The following SH3RF3 variants were observed in gnomAD, a reference collection of about 807,000 sequenced individuals.
SH3RF3 encodes E3 ubiquitin-protein ligase SH3RF3.
A neutral mutation model predicts 66.3 loss-of-function variants in SH3RF3; 29 were observed. The observed-to-expected ratio is 0.44, with a 90% CI of 0.33 to 0.60. The LOEUF (loss-of-function observed/expected upper bound fraction) is 0.60. SH3RF3 is among the 20% of genes least tolerant of loss of function. The pLI is 0.04. For synonymous variants in SH3RF3, 583 were observed against 532.0 expected, an observed-to-expected ratio of 1.10 and a Z score of -1.32; for missense variants, 1,194 against 1,190.9, an observed-to-expected ratio of 1.00 and a Z score of -0.04.
chr2:109,473,183 G>A (rs868866174), intron 8 of SH3RF3, among the ~76,000 whole-genome samples: 16 of 152,096 alleles, frequency 1.1e-4, no homozygotes, highest in Admixed American at 5.2e-4. Context: ...ATTTTCCCAG[G>A]GAAGCGGCTT....
chr2:109,300,630 A>G (rs1681444337), intron 1 of SH3RF3, among the ~76,000 whole-genome samples: 1 of 152,172 alleles, frequency 6.6e-6, no homozygotes, highest in Admixed American at 6.5e-5. Flanking sequence ...CCTGGTGGTA[A>G]GAAACCACTC....
chr2:109,428,048 G>A (rs147705727), intron 5 of SH3RF3, among the ~76,000 whole-genome samples: 3,151 of 152,336 alleles, frequency 0.021, 43 homozygotes, highest in Middle Eastern at 0.058. Flanking sequence ...CTGGCCTCCA[G>A]TGCAGCCCCT....
At chr2:109,423,259 C>T (rs894837279) in intron 5 of SH3RF3, among the ~76,000 whole-genome samples, 2 of 152,132 alleles carry the variant, frequency 1.3e-5, no homozygotes, top group East Asian at 1.9e-4. Flanking sequence ...TTTTCATCCT[C>T]CCCTGCTGAG....
chr2:109,295,687 C>T (rs943782442), intron 1 of SH3RF3, among the ~76,000 whole-genome samples: 5 of 152,042 alleles, frequency 3.3e-5, no homozygotes, highest in African/African-American at 7.2e-5. Flanking sequence ...GTCAGGAGGC[C>T]GGCATTTGGG....
At chr2:109,218,165 A>T (rs2105135583) in intron 1 of SH3RF3, among the ~76,000 whole-genome samples, 1 of 152,022 alleles carries the variant, frequency 6.6e-6, no homozygotes, top group East Asian at 1.9e-4. Context: ...AAAAAAAAAA[A>T]ATCCTGCCTG....
chr2:109,288,971 T>C (rs1466451202), intron 1 of SH3RF3, among the ~76,000 whole-genome samples: 1 of 152,210 alleles, frequency 6.6e-6, no homozygotes, highest in Non-Finnish European at 1.5e-5. Flanking sequence ...ATTTGTGGGC[T>C]TATCAAGGAC....
chr2:109,450,294 C>G (rs1311193691), intron 8 of SH3RF3, among the ~76,000 whole-genome samples: 1 of 150,850 alleles, frequency 6.6e-6, no homozygotes, highest in Non-Finnish European at 1.5e-5. Context: ...TGCAGTGAGC[C>G]AAGATTGTGC....
rs530076980 is a variant in SH3RF3, at chr2:109,479,089, C to G, written c.2149-11516C>G. Among the ~76,000 whole-genome samples, 85 of 152,260 alleles carry G rather than the reference C, an allele frequency of 5.6e-4. 1 individual carries two copies. In the South Asian group the frequency reaches 0.012, roughly 22 times the overall value. ...CTGGAACCTTGGCCGGGCTGCAGGT[C>G]AGAGCACCAGCACACACTTCTCAAC... On this transcript the variant is annotated intron_variant, in intron 8 of 9. Transcript: ENST00000309415.
At chr2:109,187,368 T>TTA (rs1409608021) in intron 1 of SH3RF3, among the ~76,000 whole-genome samples, 1 of 151,908 alleles carries the variant, frequency 6.6e-6, no homozygotes, top group Non-Finnish European at 1.5e-5. Context: ...AGACTTTTTT[T>TTA]TTTTAAAGGT....
intron 1 of SH3RF3, among the ~76,000 whole-genome samples, chr2:109,327,584 T>G (rs1173752422): frequency 6.6e-6 from 1 of 152,242 alleles, no homozygotes; most frequent in African/African-American, 2.4e-5. Flanking sequence ...ATTACAGCTT[T>G]TCTGAGTCCT....
chr2:109,340,310 C>T (rs762036209), intron 1 of SH3RF3, among the ~76,000 whole-genome samples: 13 of 152,088 alleles, frequency 8.5e-5, no homozygotes, highest in East Asian at 1.9e-4. Flanking sequence ...CTGTGGGTCT[C>T]GCAGGTAGAG....
At chr2:109,259,070 C>T (rs1680290488) in intron 1 of SH3RF3, among the ~76,000 whole-genome samples, 1 of 152,242 alleles carries the variant, frequency 6.6e-6, no homozygotes, top group Non-Finnish European at 1.5e-5. Context: ...CCCTAGTTTC[C>T]ATTTGGCTTC....
At chr2:109,357,334 A>G (rs1455977622) in intron 2 of SH3RF3, among the ~76,000 whole-genome samples, 2 of 151,862 alleles carry the variant, frequency 1.3e-5, no homozygotes, top group East Asian at 3.9e-4. Context: ...GGCACCCACC[A>G]CCATGCCCGG....
At chr2:109,484,544 G>GCCC (rs531393876) in intron 8 of SH3RF3, among the ~76,000 whole-genome samples, 1 of 152,016 alleles carries the variant, frequency 6.6e-6, no homozygotes, top group Non-Finnish European at 1.5e-5. Context: ...CTTGAGGCCC[G>GCCC]CCCCCTCCTG....
At chr2:109,233,661 G>A (rs1005214141) in intron 1 of SH3RF3, among the ~76,000 whole-genome samples, 14 of 152,308 alleles carry the variant, frequency 9.2e-5, no homozygotes, top group East Asian at 1.9e-4. Context: ...CCTCCTGTTC[G>A]TATCACCACC....
intron 8 of SH3RF3, among the ~76,000 whole-genome samples, chr2:109,456,162 G>T (rs1678050583): frequency 6.6e-6 from 1 of 152,200 alleles, no homozygotes; most frequent in Non-Finnish European, 1.5e-5. Context: ...CATGGGCCAT[G>T]GAAACCACCT....
chr2:109,427,002 T>A (rs1677043280), intron 5 of SH3RF3, among the ~76,000 whole-genome samples: 1 of 152,084 alleles, frequency 6.6e-6, no homozygotes, highest in Non-Finnish European at 1.5e-5. Context: ...CGAGTCTCGC[T>A]CTGTCACCTA....
intron 5 of SH3RF3, among the ~76,000 whole-genome samples, chr2:109,429,403 G>A (rs949666607): frequency 1.3e-5 from 2 of 152,172 alleles, no homozygotes; most frequent in African/African-American, 2.4e-5. Context: ...CCTAGAGGCC[G>A]AACTTAAAAT....
intron 6 of SH3RF3, among the ~76,000 whole-genome samples, chr2:109,434,854 G>A (rs923084821): frequency 3.9e-5 from 6 of 152,174 alleles, no homozygotes; most frequent in Admixed American, 1.3e-4. Flanking sequence ...AATGCAGATC[G>A]AATCAATAAA....
Sources: allele counts gnomAD v4.1 joint callset (sites outside exome capture counted in the v4.1 genomes callset), GRCh38; gene constraint gnomAD v4.1.1; transcripts MANE v1.5; gene names NCBI Gene and HGNC (gene_info 2026-07-23, HGNC 2026-07-21).